Variants in SEMA4D observed in about 807,000 individuals in gnomAD.
SEMA4D encodes the protein semaphorin 4D.
A neutral mutation model predicts 74.8 loss-of-function variants in SEMA4D; 22 were observed. That is an observed-to-expected ratio of 0.29 (90% CI 0.21 to 0.42). The LOEUF (loss-of-function observed/expected upper bound fraction) is 0.42, where lower values mean the gene tolerates loss of function less well. Among genes scored for constraint, SEMA4D ranks in the 10% least tolerant of loss-of-function variants. The probability of loss-of-function intolerance (pLI) is 1.00; values close to 1 mark genes in which losing one functional copy is unlikely to be tolerated. For synonymous variants in SEMA4D, 445 were observed against 463.7 expected, an observed-to-expected ratio of 0.96 and a Z score of 0.52; for missense variants, 937 against 1,118.4, an observed-to-expected ratio of 0.84 and a Z score of 2.31.
intron 1 of SEMA4D, among the ~76,000 whole-genome samples, chr9:89,470,050 A>G (rs1322557523): frequency 1.3e-5 from 2 of 152,266 alleles, no homozygotes; most frequent in Non-Finnish European, 2.9e-5. Flanking sequence ...AGTGAGGTTA[A>G]GCAAAGTCAA....
chr9:89,418,577 C>T (rs866219132), intron 2 of SEMA4D: 2 of 278,252 alleles, frequency 7.2e-6, no homozygotes, highest in African/African-American at 4.6e-5. Context: ...GTTCATCTTC[C>T]TTTATTTTTG....
intron 2 of SEMA4D, among the ~76,000 whole-genome samples, chr9:89,417,453 C>T (rs1845956786): frequency 6.6e-6 from 1 of 152,184 alleles, no homozygotes; most frequent in Non-Finnish European, 1.5e-5. Flanking sequence ...TCTTTAAAAG[C>T]CAGCAGAATA....
chr9:89,424,594 C>T (rs1221683893), intron 2 of SEMA4D, among the ~76,000 whole-genome samples: 1 of 152,098 alleles, frequency 6.6e-6, no homozygotes, highest in East Asian at 1.9e-4. Flanking sequence ...TCTCCTTTCT[C>T]TGACCAGGAC....
chr9:89,371,327 GTGTGTGTCT>G, intron 16 of SEMA4D, among the ~76,000 whole-genome samples: 1 of 137,706 alleles, frequency 7.3e-6, no homozygotes. Context: ...TGTGGGGTTG[GTGTGTGTCT>G]GGAGTGTGGT....
intron 1 of SEMA4D, among the ~76,000 whole-genome samples, chr9:89,456,926 G>T (rs1369012044): frequency 6.6e-6 from 1 of 152,158 alleles, no homozygotes; most frequent in East Asian, 1.9e-4. Flanking sequence ...GTAGCGGAAG[G>T]CTTACTAATG....
rs148846002 is a variant in SEMA4D at position 89,379,100 on chromosome 9, G to T, written c.2193C>A (p.Ser731Arg). 1 of 1,614,040 alleles carries T rather than the reference G, an allele frequency of 6.2e-7. No homozygotes were observed. Among genetic ancestry groups the T allele is most frequent in the Admixed American group, 1.7e-5 (1 of 59,994 alleles). ...HSEKTMYLKSSDNRLLMSLFL... is the reference protein window; with the variant it reads ...HSEKTMYLKSRDNRLLMSLFL... ...AGAGGGACATGAGGAGGCGGTTGTC[G>T]CTGGACTTAAGATACATGGTTTTCT... Residue 731 changes from serine (S) to arginine (R), a missense_variant, in exon 16 of 16, where the codon AGC becomes AGA. Physicochemically the swap from Ser to Arg is moderately radical, Grantham distance 110 (BLOSUM62 -1). Transcript: ENST00000422704.
At chr9:89,382,985 C>A (rs374234920) in intron 13 of SEMA4D, among the ~76,000 whole-genome samples, 80 of 151,890 alleles carry the variant, frequency 5.3e-4, no homozygotes, top group Non-Finnish European at 8.7e-4. Context: ...CCGCTTCTCC[C>A]GGATGGGGCT....
At chr9:89,412,061 C>T (rs945241261) in intron 2 of SEMA4D, among the ~76,000 whole-genome samples, 3 of 152,154 alleles carry the variant, frequency 2.0e-5, no homozygotes, top group Non-Finnish European at 4.4e-5. Flanking sequence ...CACAGTCACC[C>T]TTTGCCTCCC....
At chr9:89,367,325 C>T (rs183130204) in intron 16 of SEMA4D, 1 of 152,416 alleles carries the variant, frequency 6.6e-6, no homozygotes, top group Non-Finnish European at 1.5e-5. Context: ...GGGGAGCTGT[C>T]TTCCATCTCC....
chr9:89,468,379 A>G (rs1859298642), intron 1 of SEMA4D, among the ~76,000 whole-genome samples: 1 of 152,214 alleles, frequency 6.6e-6, no homozygotes, highest in Admixed American at 6.5e-5. Flanking sequence ...CAAATTCCCC[A>G]AAGTCCATCA....
chr9:89,430,963 C>T (rs1236154915), intron 2 of SEMA4D, among the ~76,000 whole-genome samples: 2 of 152,070 alleles, frequency 1.3e-5, no homozygotes, highest in African/African-American at 2.4e-5. Flanking sequence ...GGCGACAGAG[C>T]GAGACTCCAT....
In SEMA4D at chr9:89,382,425, T is replaced by A. The variant is rs532562215; in HGVS notation, c.1447-1079A>T. On this transcript the variant is annotated intron_variant, in intron 13 of 15. Coordinates refer to ENST00000422704, the MANE Select transcript of SEMA4D (RefSeq NM_001371194.2). ...GATACGCTCGGAGTCAACTTCAGAGTGTGGTTGGAAGATCACAGGCCCTGA... is the reference window on the plus strand; with the variant it reads ...GATACGCTCGGAGTCAACTTCAGAGAGTGGTTGGAAGATCACAGGCCCTGA... Among the ~76,000 whole-genome samples, 105 of 151,666 alleles carry A rather than the reference T, an allele frequency of 6.9e-4. 1 individual carries two copies. The highest frequency in any genetic ancestry group is 2.4e-3 in the African/African-American group (98 of 41,338).
intron 2 of SEMA4D, among the ~76,000 whole-genome samples, chr9:89,449,130 C>A (rs1853697380): frequency 6.6e-6 from 1 of 152,190 alleles, no homozygotes; most frequent in Non-Finnish European, 1.5e-5. Context: ...TCACTGAAAG[C>A]ACAGGCCCGG....
At chr9:89,385,074 T>C in intron 13 of SEMA4D, 1 of 981,096 alleles carries the variant, frequency 1.0e-6, no homozygotes, top group South Asian at 4.7e-5. Flanking sequence ...GGCGCGAGGC[T>C]CCCTGTGTGG....
chr9:89,369,711 C>A (rs1385859691), intron 16 of SEMA4D, among the ~76,000 whole-genome samples: 1 of 152,252 alleles, frequency 6.6e-6, no homozygotes, highest in Non-Finnish European at 1.5e-5. Flanking sequence ...AACTTGGGTT[C>A]ATCAGTTCAG....
chr9:89,387,577 T>C lies in SEMA4D; in HGVS notation c.1139A>G (p.Tyr380Cys). ...GTCTGGCAAATTCAAGGAGCTGGTG[T>C]AGTTGGCGGCCCGTGCCTCGCTGTC... ...CIDSEARAAN[Y>C]TSSLNLPDKT... The change falls in exon 12 of 16, where the codon TAC becomes TGC. Residue 380 changes from tyrosine to cysteine, a missense_variant. Transcript: ENST00000422704. The C allele has an allele frequency of 6.2e-7, 1 of 1,614,182 alleles. No homozygotes were observed. The highest frequency in any genetic ancestry group is 8.5e-7 in the Non-Finnish European group (1 of 1,180,040).
At chr9:89,385,866 G>GGGGGGGGGGCGCCC in intron 13 of SEMA4D, 1 of 196,226 alleles carries the variant, frequency 5.1e-6, no homozygotes, top group Non-Finnish European at 9.0e-6. Flanking sequence ...CAGCGTGGAT[G>GGGGGGGGGGCGCCC]CCCGCCCACC....
At position 89,387,498 on chromosome 9, in the gene SEMA4D, T is replaced by C. The variant is rs1445031221; in HGVS notation, c.1218A>G (p.Pro406=). The part of the protein sequence containing the change: ...DHPLMDDSVT[P]IDNRPRLIKK... Reference sequence around the variant, plus strand: ...TGATTAACCTGGGCCTGTTGTCTATTGGGGTTACCGAGTCATCCATCAAAG... The same window carrying C: ...TGATTAACCTGGGCCTGTTGTCTATCGGGGTTACCGAGTCATCCATCAAAG... The change falls in exon 12 of 16, where the codon CCA becomes CCG. Residue 406 remains proline (P), a synonymous_variant. Transcript: ENST00000422704. 3 of 1,614,226 alleles carry C rather than the reference T, an allele frequency of 1.9e-6. No homozygotes were observed. Among genetic ancestry groups the C allele is most frequent in the Admixed American group, 3.3e-5 (2 of 60,034 alleles).
At chr9:89,410,862 C>A (rs1379973930) in intron 2 of SEMA4D, among the ~76,000 whole-genome samples, 3 of 152,192 alleles carry the variant, frequency 2.0e-5, no homozygotes, top group African/African-American at 7.2e-5. Context: ...CAAAGCAACG[C>A]CTTTGAATCC....
Sources: allele counts gnomAD v4.1 joint callset (sites outside exome capture counted in the v4.1 genomes callset), GRCh38; gene constraint gnomAD v4.1.1; transcripts MANE v1.5; gene names NCBI Gene and HGNC (gene_info 2026-07-23, HGNC 2026-07-21).